M1AP: variants seen among roughly 807,000 people sequenced by gnomAD.
M1AP encodes the protein meiosis 1 arrest protein.
M1AP carries 39 observed loss-of-function variants against 51.2 expected under a neutral mutation model. The observed-to-expected ratio is 0.76, with a 90% confidence interval of 0.59 to 1.00. The LOEUF is 1.00. Among genes scored for constraint, M1AP ranks in the 50% least tolerant of loss-of-function variants. The probability of loss-of-function intolerance (pLI) is 0.00; values close to 1 mark genes in which losing one functional copy is unlikely to be tolerated. For missense variants in M1AP, 545 were observed against 641.2 expected, an observed-to-expected ratio of 0.85 and a Z score of 1.62; for synonymous variants, 251 against 249.2, an observed-to-expected ratio of 1.01 and a Z score of -0.07.
At chr2:74,597,743 C>T (rs1289623512) in intron 4 of M1AP, among the ~76,000 whole-genome samples, 2 of 152,178 alleles carry the variant, frequency 1.3e-5, no homozygotes, top group African/African-American at 2.4e-5. Context: ...TTGTAATTGG[C>T]TGAATGACTT....
rs562614059 is a variant in M1AP, at chr2:74,607,876, T to C, written c.427-653A>G. On this transcript the variant is annotated intron_variant, in intron 3 of 10. Coordinates refer to ENST00000421985, the MANE Select transcript of M1AP (RefSeq NM_001321739.2). ...TTTGTACTTAGATGTTTTTGATCCA[T>C]GAAGAGGGATGTAGATTAAAGCACT... Among the ~76,000 whole-genome samples, 218 of 152,330 alleles carry C rather than the reference T, an allele frequency of 1.4e-3. 1 individual carries two copies. The Middle Eastern group carries it at 0.02, about 14-fold the overall frequency.
At chr2:74,567,829 T>C (rs1200791715) in intron 7 of M1AP, among the ~76,000 whole-genome samples, 1 of 152,220 alleles carries the variant, frequency 6.6e-6, no homozygotes, top group Non-Finnish European at 1.5e-5. Context: ...ACACATATTT[T>C]TCAGAAAAGA....
Position 74,569,441 on chromosome 2 carries a change from C to T in M1AP, c.1074+5997G>A, listed in dbSNP as rs562418784. Among the ~76,000 whole-genome samples the T allele has an allele frequency of 2.9e-5, 4 of 139,176 alleles. No individual in the cohort carries two copies. In the South Asian group the frequency reaches 6.7e-4, roughly 23 times the overall value. 91.3% of individuals were successfully genotyped at this position (139,176 alleles called of 152,430 possible). On this transcript the variant is annotated intron_variant, in intron 7 of 10. Transcript: ENST00000421985. ...TATCACCCAGGCTGGAGTGCAGTGGCGCGATCTCGGCTCACTGCAACCTCT... is the reference window on the plus strand; with the variant it reads ...TATCACCCAGGCTGGAGTGCAGTGGTGCGATCTCGGCTCACTGCAACCTCT...
intron 2 of M1AP, among the ~76,000 whole-genome samples, chr2:74,633,456 G>A (rs1039500467): frequency 1.3e-5 from 2 of 152,084 alleles, no homozygotes; most frequent in Middle Eastern, 3.2e-3. Flanking sequence ...CCTGTTTTCA[G>A]CAAGAATCCT....
chr2:74,563,204 G>A (rs1678144236), intron 7 of M1AP, among the ~76,000 whole-genome samples: 2 of 152,002 alleles, frequency 1.3e-5, no homozygotes, highest in South Asian at 4.1e-4. Flanking sequence ...AACATACCAA[G>A]ACTCTACAAA....
chr2:74,562,067 A>G lies in M1AP; in HGVS notation c.1281+150T>C, dbSNP rs564753623. 39 of 1,409,782 alleles carry G rather than the reference A, an allele frequency of 2.8e-5. No individual in the cohort carries two copies. The East Asian group carries it at 7.7e-4, about 28-fold the overall frequency. 87.3% of individuals were successfully genotyped at this position (1,409,782 alleles called of 1,614,324 possible). A position where few individuals can be genotyped will look rare whatever the true frequency, so the allele number is the denominator to read the frequency against. On this transcript the variant is annotated intron_variant, in intron 8 of 10. Coordinates refer to ENST00000421985, the MANE Select transcript of M1AP (RefSeq NM_001321739.2). Reference sequence around the variant, plus strand: ...AGTGTTTACTTCCTTCTTCTGGCATAATTGCCTATCCTTGCTTTCTCTTCT... The same window carrying G: ...AGTGTTTACTTCCTTCTTCTGGCATGATTGCCTATCCTTGCTTTCTCTTCT...
Position 74,615,003 on chromosome 2 carries a change from A to G in M1AP, c.387T>C (p.His129=). 1.2e-6 allele frequency: 2 copies of G among 1,614,162 alleles called. No homozygotes were observed. Among genetic ancestry groups the G allele is most frequent in the Non-Finnish European group, 1.7e-6 (2 of 1,180,010 alleles). Residue 129 remains histidine (H), a synonymous_variant, in exon 3 of 11, where the codon CAT becomes CAC. Transcript: ENST00000421985. ...GLQQFKQYSR[H]VTTRAALTYT... is the part of the protein sequence containing the mutation. ...AGGTCAGAGCTGCCCTTGTGGTCAC[A>G]TGTCTGCTGTATTGTTTGAATTGCT...
At chr2:74,648,065 A>G in intron 1 of M1AP, 200 bp downstream of exon 1, 1 of 985,500 alleles carries the variant, frequency 1.0e-6, no homozygotes. Flanking sequence ...GGCCGCCCAG[A>G]ACAGTATGCG....
intron 3 of M1AP, among the ~76,000 whole-genome samples, chr2:74,608,797 AT>A (rs2104710134): frequency 6.6e-6 from 1 of 152,268 alleles, no homozygotes; most frequent in African/African-American, 2.4e-5. Context: ...ATGTGGTGGT[AT>A]TTCATTGTTG....
chr2:74,571,002 T>C (rs979976188), intron 7 of M1AP, among the ~76,000 whole-genome samples: 3 of 152,190 alleles, frequency 2.0e-5, no homozygotes, highest in African/African-American at 4.8e-5. Flanking sequence ...AGGATAGTGA[T>C]AACAGATGCT....
At chr2:74,585,711 T>C (rs1017817989) in intron 4 of M1AP, among the ~76,000 whole-genome samples, 4 of 152,238 alleles carry the variant, frequency 2.6e-5, no homozygotes, top group Non-Finnish European at 5.9e-5. Context: ...TGAGCACCTC[T>C]TGGGGGCAGA....
chr2:74,608,430 G>T (rs1451727813), intron 3 of M1AP, among the ~76,000 whole-genome samples: 1 of 152,060 alleles, frequency 6.6e-6, no homozygotes, highest in African/African-American at 2.4e-5. Context: ...TTTCTTTTTA[G>T]TGCTGAATAA....
At chr2:74,617,806 A>G (rs1200634446) in intron 2 of M1AP, among the ~76,000 whole-genome samples, 2 of 152,248 alleles carry the variant, frequency 1.3e-5, no homozygotes, top group Admixed American at 1.3e-4. Context: ...GTTCAGAAGT[A>G]AAAACATTAT....
Position 74,558,627 on chromosome 2 carries a change from T to C in M1AP, c.*89A>G. The C allele has an allele frequency of 1.3e-6, 2 of 1,492,762 alleles. No homozygotes were observed. Among genetic ancestry groups the C allele is most frequent in the East Asian group, 2.4e-5 (1 of 41,918 alleles). The allele number at this position is 1,492,762 out of a possible 1,614,324, so 92.5% of individuals were successfully genotyped here. On this transcript the variant is annotated 3_prime_UTR_variant, in exon 11 of 11. Transcript: ENST00000421985. ...CCTCACTCACAGAGGCTCAGGCGGATAGAGAGCAAGTCTGACCACAGATAG... is the reference window on the plus strand; with the variant it reads ...CCTCACTCACAGAGGCTCAGGCGGACAGAGAGCAAGTCTGACCACAGATAG...
intron 7 of M1AP, among the ~76,000 whole-genome samples, chr2:74,570,211 C>T (rs1052860731): frequency 2.0e-5 from 3 of 152,044 alleles, no homozygotes; most frequent in East Asian, 3.9e-4. Flanking sequence ...TTCACACAGT[C>T]GGGAAATAAA....
intron 9 of M1AP, 147 bp downstream of exon 9, chr2:74,560,004 T>C (rs1677795689): frequency 3.7e-6 from 3 of 816,946 alleles, no homozygotes; most frequent in Non-Finnish European, 5.7e-6. Flanking sequence ...GTTCTAATTT[T>C]CCCCTCCACC....
intron 5 of M1AP, among the ~76,000 whole-genome samples, chr2:74,580,385 G>A (rs1323386653): frequency 7.2e-5 from 11 of 152,086 alleles, no homozygotes; most frequent in African/African-American, 2.7e-4. Context: ...TATCAGCCTT[G>A]GACAAAAGAG....
intron 2 of M1AP, among the ~76,000 whole-genome samples, chr2:74,635,498 TC>T (rs916091126): frequency 6.6e-5 from 10 of 152,228 alleles, no homozygotes; most frequent in African/African-American, 2.4e-4. Context: ...CTTCATTATA[TC>T]CTTGTTTTTG....
At position 74,571,974 on chromosome 2, in the gene M1AP, G is replaced by A. The variant is rs182885982; in HGVS notation, c.1074+3464C>T. ...TTGTGCCATTGCACTCCAGGCCTGGGCAACAAGAGCGAAACTCCGTCTCAA... is the reference window on the plus strand; with the variant it reads ...TTGTGCCATTGCACTCCAGGCCTGGACAACAAGAGCGAAACTCCGTCTCAA... On this transcript the variant is annotated intron_variant, in intron 7 of 10. Coordinates refer to ENST00000421985, the MANE Select transcript of M1AP (RefSeq NM_001321739.2). Among the ~76,000 whole-genome samples, 4 of 149,570 alleles carry A rather than the reference G, an allele frequency of 2.7e-5. No individual in the cohort carries two copies. In the East Asian group the frequency reaches 7.8e-4, roughly 29 times the overall value.
Sources: allele counts gnomAD v4.1 joint callset (sites outside exome capture counted in the v4.1 genomes callset), GRCh38; gene constraint gnomAD v4.1.1; transcripts MANE v1.5; gene names NCBI Gene and HGNC (gene_info 2026-07-23, HGNC 2026-07-21).